Variants in ZMAT1 observed in about 807,000 individuals in gnomAD.
ZMAT1 encodes zinc finger matrin-type 1.
Under a neutral mutation model 18.5 loss-of-function variants are expected in ZMAT1, and 11 were observed. That is an observed-to-expected ratio of 0.59 (90% CI 0.37 to 0.98). The LOEUF (loss-of-function observed/expected upper bound fraction) is 0.98, where lower values mean the gene tolerates loss of function less well. ZMAT1 is among the 50% of genes least tolerant of loss of function. The pLI is 0.01. For missense variants in ZMAT1, 525 were observed against 496.2 expected, an observed-to-expected ratio of 1.06 and a Z score of -0.55; for synonymous variants, 211 against 176.4, an observed-to-expected ratio of 1.20 and a Z score of -1.55.
chrX:101,911,157 C>T (rs1436202658), intron 1 of ZMAT1, among the ~76,000 whole-genome samples: 1 of 111,665 alleles, frequency 9.0e-6, no homozygotes, highest in African/African-American at 3.3e-5. Context: ...AAAAAAAGCC[C>T]TTTTACCCTA....
chrX:101,885,574 A>T (rs902184229), intron 5 of ZMAT1, among the ~76,000 whole-genome samples: 15 of 111,991 alleles, frequency 1.3e-4, no homozygotes, highest in African/African-American at 4.9e-4. Flanking sequence ...TAATTGGGTA[A>T]GTCAGACAAT....
chrX:101,929,844 A>C (rs1199849508), intron 1 of ZMAT1, among the ~76,000 whole-genome samples: 2 of 111,490 alleles, frequency 1.8e-5, no homozygotes, highest in Admixed American at 9.5e-5. Flanking sequence ...ATCATGGTTG[A>C]TACTTTCAGA....
intron 1 of ZMAT1, among the ~76,000 whole-genome samples, chrX:101,912,370 A>T (rs949109998): frequency 5.4e-5 from 6 of 111,876 alleles, no homozygotes; most frequent in Non-Finnish European, 7.5e-5. Context: ...ACAAAACAGA[A>T]ATGGAACAAG....
At chrX:101,904,811 A>G (rs1162033900) in intron 1 of ZMAT1, among the ~76,000 whole-genome samples, 3 of 111,049 alleles carry the variant, frequency 2.7e-5, no homozygotes, top group African/African-American at 9.8e-5. Context: ...TTAGCTGGGC[A>G]TGGTGGCATG....
intron 1 of ZMAT1, 88 bp from the exon 2 acceptor site, chrX:101,904,418 T>C (rs1928458367): frequency 1.4e-6 from 1 of 701,792 alleles, no homozygotes; most frequent in Non-Finnish European, 2.1e-6. Context: ...TATGATTTCA[T>C]ATGATACTTC....
At chrX:101,927,410 T>C (rs1262126842) in intron 1 of ZMAT1, among the ~76,000 whole-genome samples, 1 of 112,084 alleles carries the variant, frequency 8.9e-6, no homozygotes, top group East Asian at 2.8e-4. Context: ...CCTTAGTTTT[T>C]CAGTTTATAA....
At chrX:101,912,004 C>T (rs1929003221) in intron 1 of ZMAT1, 10 of 1,186,415 alleles carry the variant, frequency 8.4e-6, no homozygotes, top group Non-Finnish European at 9.2e-6. Context: ...CATATGTGTG[C>T]AGGGACTGTG....
intron 2 of ZMAT1, among the ~76,000 whole-genome samples, chrX:101,901,314 G>T (rs1395616018): frequency 9.0e-6 from 1 of 110,873 alleles, no homozygotes; most frequent in Non-Finnish European, 1.9e-5. Context: ...TTCTTTGTCT[G>T]ATTGCTCTGG....
Position 101,905,900 on chromosome X carries a change from A to C in ZMAT1, c.293-1570T>G, listed in dbSNP as rs772517846. On this transcript the variant is annotated intron_variant, in intron 1 of 5. Coordinates refer to ENST00000651725, the MANE Select transcript of ZMAT1 (RefSeq NM_001394560.1). Reference sequence around the variant, plus strand: ...AGAGCCAAAAAACTAAAAAAAAAAAAAAAAACAAATATGTAGGAGATTATA... The same window carrying C: ...AGAGCCAAAAAACTAAAAAAAAAAACAAAAACAAATATGTAGGAGATTATA... Among the ~76,000 whole-genome samples, 12 of 80,895 alleles carry C rather than the reference A, an allele frequency of 1.5e-4. No individual in the cohort carries two copies. The East Asian group carries it at 2.3e-3, about 16-fold the overall frequency. 70.2% of individuals were successfully genotyped at this position (80,895 alleles called of 115,157 possible). A position where few individuals can be genotyped will look rare whatever the true frequency, so the allele number is the denominator to read the frequency against.
intron 2 of ZMAT1, among the ~76,000 whole-genome samples, chrX:101,902,439 C>T (rs1928309405): frequency 8.9e-6 from 1 of 111,838 alleles, no homozygotes; most frequent in Admixed American, 9.5e-5. Flanking sequence ...ATTTCTTCTA[C>T]AGATATTGTG....
At chrX:101,910,197 C>T (rs377657423) in intron 1 of ZMAT1, among the ~76,000 whole-genome samples, 7 of 112,551 alleles carry the variant, frequency 6.2e-5, no homozygotes, top group South Asian at 3.7e-4. Context: ...TATGAGTCTG[C>T]GAGAACCACA....
At chrX:101,931,420 T>C (rs1019646750) in intron 1 of ZMAT1, 2 of 747,845 alleles carry the variant, frequency 2.7e-6, no homozygotes, top group Non-Finnish European at 3.1e-6. Flanking sequence ...GGGAGAGAAA[T>C]TATGTGGTAT....
At chrX:101,891,523 G>A (rs971544113) in intron 4 of ZMAT1, among the ~76,000 whole-genome samples, 5 of 111,122 alleles carry the variant, frequency 4.5e-5, no homozygotes, top group Non-Finnish European at 7.6e-5. Context: ...GTCAGAACAC[G>A]GGGGTGGATA....
chrX:101,916,959 A>G (rs1260758740), intron 1 of ZMAT1, among the ~76,000 whole-genome samples: 1 of 112,091 alleles, frequency 8.9e-6, no homozygotes, highest in Non-Finnish European at 1.9e-5. Flanking sequence ...TCTCATCAAT[A>G]AACAGTGCTG....
At chrX:101,904,805 C>T (rs1432457552) in intron 1 of ZMAT1, among the ~76,000 whole-genome samples, 1 of 110,917 alleles carries the variant, frequency 9.0e-6, no homozygotes, top group Non-Finnish European at 1.9e-5. Context: ...TAAAAATTAG[C>T]TGGGCATGGT....
chrX:101,905,923 A>G (rs1036581446), intron 1 of ZMAT1, among the ~76,000 whole-genome samples: 1 of 109,934 alleles, frequency 9.1e-6, no homozygotes, highest in Non-Finnish European at 1.9e-5. Flanking sequence ...GTAGGAGATT[A>G]TATCAGCACC....
rs924867466 is a variant in ZMAT1 at position 101,882,716 on chromosome X, G to A, written c.*794C>T. The A allele has an allele frequency of 9.0e-6, 1 of 111,476 alleles. No homozygotes were observed. Among genetic ancestry groups the A allele is most frequent in the Non-Finnish European group, 1.9e-5 (1 of 52,916 alleles). The allele number at this position is 111,476 out of a possible 1,213,427, so 9.2% of individuals were successfully genotyped here. On this transcript the variant is annotated 3_prime_UTR_variant, in exon 6 of 6. Transcript: ENST00000651725. ...AAATTACATTATATGTGAGATATGT[G>A]AGAAACATTTAATAATTTTTTTTCT...
At chrX:101,896,328 G>A (rs1927803141) in intron 4 of ZMAT1, among the ~76,000 whole-genome samples, 1 of 111,638 alleles carries the variant, frequency 9.0e-6, no homozygotes. Context: ...AACTATACAT[G>A]TTCCTACAAT....
chrX:101,886,741 CAA>C lies in ZMAT1; in HGVS notation c.677-12_677-11del, dbSNP rs766548684. On this transcript the variant is annotated splice_polypyrimidine_tract_variant and intron_variant, in intron 4 of 5. Coordinates refer to ENST00000651725, the MANE Select transcript of ZMAT1 (RefSeq NM_001394560.1). The stretch of plus-strand genomic sequence containing the variant: ...GTTCTCATACTAAATGCTGAAAAAA[CAA>C]AGAGTTCAAGTTAAGAAGGTCAGTA... 1.8e-6 allele frequency: 2 copies of C among 1,131,199 alleles called. No individual in the cohort carries two copies. The highest frequency in any genetic ancestry group is 2.4e-6 in the Non-Finnish European group (2 of 830,266). 93.2% of individuals were successfully genotyped at this position (1,131,199 alleles called of 1,213,427 possible). A position where few individuals can be genotyped will look rare whatever the true frequency, so the allele number is the denominator to read the frequency against.
Sources: gnomAD v4.1 joint callset for allele counts (sites outside exome capture counted in the v4.1 genomes callset) on GRCh38, gnomAD v4.1.1 for gene constraint, MANE v1.5 for transcripts, NCBI Gene and HGNC (gene_info 2026-07-23, HGNC 2026-07-21) for gene names.